Variants in EDA observed in about 807,000 individuals in gnomAD.
EDA encodes ectodysplasin A, also known as ectodysplasin-A.
A neutral mutation model predicts 23.6 loss-of-function variants in EDA; 2 were observed. The ratio of observed to expected loss-of-function variants is 0.08; its 90% confidence interval spans 0.03 to 0.27. EDA has a LOEUF of 0.27. EDA is among the 10% of genes least tolerant of loss of function. EDA has a pLI of 1.00. For missense variants in EDA, 229 were observed against 324.2 expected, an observed-to-expected ratio of 0.71 and a Z score of 2.26; for synonymous variants, 131 against 132.0, an observed-to-expected ratio of 0.99 and a Z score of 0.05.
At chrX:69,695,121 A>T (rs1442233779) in intron 1 of EDA, among the ~76,000 whole-genome samples, 1 of 111,333 alleles carries the variant, frequency 9.0e-6, no homozygotes, top group Non-Finnish European at 1.9e-5. Flanking sequence ...TGAGTTTGAG[A>T]CCAGCCTGGG....
chrX:69,712,365 T>G (rs2012094559), intron 1 of EDA, among the ~76,000 whole-genome samples: 1 of 111,520 alleles, frequency 9.0e-6, no homozygotes, highest in African/African-American at 3.3e-5. Flanking sequence ...CTCTTGACAT[T>G]GGACCTTAAA....
intron 1 of EDA, among the ~76,000 whole-genome samples, chrX:69,672,862 A>T (rs1933949661): frequency 9.6e-6 from 1 of 103,720 alleles, no homozygotes; most frequent in Non-Finnish European, 2.0e-5. Context: ...AGCCTGGGCG[A>T]CAGAGTGAGA....
At chrX:69,842,982 C>A (rs1288885280) in intron 1 of EDA, among the ~76,000 whole-genome samples, 1 of 111,892 alleles carries the variant, frequency 8.9e-6, no homozygotes, top group Non-Finnish European at 1.9e-5. Context: ...GCCAACGAAA[C>A]CTCTTTTCTT....
chrX:69,821,866 T>C (rs2016233995), intron 1 of EDA, among the ~76,000 whole-genome samples: 1 of 112,199 alleles, frequency 8.9e-6, no homozygotes, highest in Non-Finnish European at 1.9e-5. Context: ...AAATGTACAG[T>C]TTGGTGTTAC....
At chrX:69,870,242 C>T (rs1358384761) in intron 1 of EDA, among the ~76,000 whole-genome samples, 1 of 111,699 alleles carries the variant, frequency 9.0e-6, no homozygotes, top group Non-Finnish European at 1.9e-5. Flanking sequence ...TAAATTCAGC[C>T]TGATCCAACT....
chrX:69,889,355 G>C (rs904931858), intron 1 of EDA, among the ~76,000 whole-genome samples: 9 of 109,978 alleles, frequency 8.2e-5, no homozygotes, highest in Non-Finnish European at 1.3e-4. Flanking sequence ...TTACCATGTG[G>C]CCCAGGCTGG....
chrX:69,988,879 TTAAAA>T (rs1047741013), intron 2 of EDA, among the ~76,000 whole-genome samples: 1 of 110,936 alleles, frequency 9.0e-6, no homozygotes, highest in Non-Finnish European at 1.9e-5. Context: ...ATTGTTTAAT[TTAAAA>T]TAAAATAAAA....
rs866849377 is a variant in EDA, at chrX:69,910,392, T to A, written c.397-46635T>A. Reference sequence around the variant, plus strand: ...GAGAGAGAGTGTGTGTGTGTGTGTGTGTGTGTGTGTGTGTGTGTGTGTGTG... The same window carrying A: ...GAGAGAGAGTGTGTGTGTGTGTGTGAGTGTGTGTGTGTGTGTGTGTGTGTG... On this transcript the variant is annotated intron_variant, in intron 1 of 7. Coordinates refer to ENST00000374552, the MANE Select transcript of EDA (RefSeq NM_001399.5). Among the ~76,000 whole-genome samples the A allele has an allele frequency of 2.6e-3, 263 of 103,078 alleles. 2 individuals are homozygous for A. Among genetic ancestry groups the A allele is most frequent in the East Asian group, 0.01 (32 of 3,164 alleles). The allele number at this position is 103,078 out of a possible 115,157, so 89.5% of individuals were successfully genotyped here. A position where few individuals can be genotyped will look rare whatever the true frequency, so the allele number is the denominator to read the frequency against.
At chrX:69,788,436 GTC>G (rs2015275972) in intron 1 of EDA, among the ~76,000 whole-genome samples, 1 of 111,718 alleles carries the variant, frequency 9.0e-6, no homozygotes, top group South Asian at 3.7e-4. Flanking sequence ...TCTACTTTTG[GTC>G]TTTGATGATG....
At chrX:69,799,725 C>A in intron 1 of EDA, among the ~76,000 whole-genome samples, 1 of 100,038 alleles carries the variant, frequency 1.0e-5, no homozygotes. Context: ...CAGATGCTGG[C>A]AAGGATATGG....
chrX:69,692,722 G>A (rs904470813), intron 1 of EDA, among the ~76,000 whole-genome samples: 2 of 112,030 alleles, frequency 1.8e-5, no homozygotes, highest in Non-Finnish European at 3.8e-5. Flanking sequence ...TCACTTGGGT[G>A]TTGTAACAGG....
chrX:69,954,866 A>G (rs146617751), intron 1 of EDA, among the ~76,000 whole-genome samples: 8 of 111,767 alleles, frequency 7.2e-5, no homozygotes, highest in African/African-American at 2.3e-4. Context: ...TGTCCCCACC[A>G]TGTGTCCATG....
chrX:69,871,620 C>T (rs2017567710), intron 1 of EDA, among the ~76,000 whole-genome samples: 1 of 111,897 alleles, frequency 8.9e-6, no homozygotes, highest in Non-Finnish European at 1.9e-5. Flanking sequence ...CCCCAGCATA[C>T]TGACTGAAAT....
intron 2 of EDA, among the ~76,000 whole-genome samples, chrX:70,020,148 T>C (rs994583067): frequency 1.8e-5 from 2 of 111,855 alleles, no homozygotes; most frequent in African/African-American, 6.5e-5. Context: ...AGTAACCATA[T>C]AGGAAAAGAT....
At chrX:69,818,358 A>T (rs1400890882) in intron 1 of EDA, among the ~76,000 whole-genome samples, 1 of 111,470 alleles carries the variant, frequency 9.0e-6, no homozygotes, top group Non-Finnish European at 1.9e-5. Context: ...GAAGACAAGA[A>T]ATAACGAAGA....
At chrX:69,707,645 T>C (rs1389922860) in intron 1 of EDA, among the ~76,000 whole-genome samples, 1 of 111,816 alleles carries the variant, frequency 8.9e-6, no homozygotes, top group Non-Finnish European at 1.9e-5. Context: ...ACTGTAACTC[T>C]AAGTTACTCT....
intron 2 of EDA, among the ~76,000 whole-genome samples, chrX:69,996,822 G>C (rs1252201540): frequency 8.9e-6 from 1 of 112,022 alleles, no homozygotes; most frequent in African/African-American, 3.2e-5. Context: ...TCTCATGATA[G>C]TGAATAAGTC....
chrX:69,725,104 A>G (rs1359450164), intron 1 of EDA, among the ~76,000 whole-genome samples: 1 of 112,167 alleles, frequency 8.9e-6, no homozygotes, highest in African/African-American at 3.2e-5. Flanking sequence ...TTAAATTTCT[A>G]TTGTTAAATT....
At chrX:69,789,237 A>G (rs2015320966) in intron 1 of EDA, among the ~76,000 whole-genome samples, 1 of 112,111 alleles carries the variant, frequency 8.9e-6, no homozygotes, top group African/African-American at 3.2e-5. Flanking sequence ...ATGGAAATGC[A>G]GAAATCACCC....
Sources: gnomAD v4.1 joint callset for allele counts (sites outside exome capture counted in the v4.1 genomes callset) on GRCh38, gnomAD v4.1.1 for gene constraint, MANE v1.5 for transcripts, NCBI Gene and HGNC (gene_info 2026-07-23, HGNC 2026-07-21) for gene names.